PDE3A: variants seen among roughly 807,000 people sequenced by gnomAD.
PDE3A encodes phosphodiesterase 3A.
PDE3A carries 43 observed loss-of-function variants against 98.3 expected under a neutral mutation model. The observed-to-expected ratio is 0.44, with a 90% CI of 0.34 to 0.56. The LOEUF (loss-of-function observed/expected upper bound fraction) is 0.56, where lower values mean the gene tolerates loss of function less well. Ranked by LOEUF, PDE3A falls within the 20% of genes least tolerant of loss-of-function variation. The pLI is 0.01. For synonymous variants in PDE3A, 663 were observed against 567.9 expected, an observed-to-expected ratio of 1.17 and a Z score of -2.38; for missense variants, 1,427 against 1,440.7, an observed-to-expected ratio of 0.99 and a Z score of 0.15.
At chr12:20,595,617 G>A (rs1943447802) in intron 2 of PDE3A, among the ~76,000 whole-genome samples, 2 of 152,208 alleles carry the variant, frequency 1.3e-5, no homozygotes, top group South Asian at 4.1e-4. Context: ...AGAGTAGAAT[G>A]TAGCTGATGA....
At chr12:20,581,905 A>G (rs10841569) in intron 2 of PDE3A, among the ~76,000 whole-genome samples, 25,450 of 152,128 alleles carry the variant, frequency 0.17, 2,222 homozygotes, top group Middle Eastern at 0.23. Context: ...TGTAAAATCT[A>G]TAGAGAAACT....
At chr12:20,525,422 T>C (rs1483678260) in intron 1 of PDE3A, among the ~76,000 whole-genome samples, 1 of 149,240 alleles carries the variant, frequency 6.7e-6, no homozygotes, top group East Asian at 2.0e-4. Context: ...ATAATGTTGT[T>C]GTTCCTTTTT....
At chr12:20,669,711 G>A (rs549539418) in intron 15 of PDE3A, among the ~76,000 whole-genome samples, 63 of 152,138 alleles carry the variant, frequency 4.1e-4, no homozygotes, top group Non-Finnish European at 8.1e-4. Context: ...ACTAAACATG[G>A]AAAGGAACAA....
intron 2 of PDE3A, among the ~76,000 whole-genome samples, chr12:20,607,464 A>G (rs188452876): frequency 5.9e-5 from 9 of 151,974 alleles, no homozygotes; most frequent in Non-Finnish European, 1.0e-4. Flanking sequence ...AAAAAGAAAA[A>G]AAAACACATT....
At chr12:20,432,020 T>A (rs1944706674) in intron 1 of PDE3A, among the ~76,000 whole-genome samples, 1 of 152,194 alleles carries the variant, frequency 6.6e-6, no homozygotes, top group Admixed American at 6.5e-5. Flanking sequence ...TTTTTACAAA[T>A]CTTTTGCAAA....
At chr12:20,388,889 T>G (rs1039851680) in intron 1 of PDE3A, among the ~76,000 whole-genome samples, 2 of 152,014 alleles carry the variant, frequency 1.3e-5, no homozygotes, top group African/African-American at 2.4e-5. Context: ...GTACATAATA[T>G]TTTTTAAAAT....
At position 20,583,152 on chromosome 12, in the gene PDE3A, C is replaced by T. The variant is rs12582574; in HGVS notation, c.1011+26442C>T. Among the ~76,000 whole-genome samples the T allele has an allele frequency of 2.2e-4, 34 of 152,194 alleles. No individual in the cohort carries two copies. The East Asian group carries it at 6.6e-3, about 29-fold the overall frequency. The stretch of plus-strand genomic sequence containing the variant: ...TTCTGAAATACTCCCCTCTACTTTG[C>T]CTCATTCATAGAGTAAGTTTTTGAA... On this transcript the variant is annotated intron_variant, in intron 2 of 15. Coordinates refer to ENST00000359062, the MANE Select transcript of PDE3A (RefSeq NM_000921.5).
chr12:20,414,484 G>T (rs936244996), intron 1 of PDE3A, among the ~76,000 whole-genome samples: 4 of 152,160 alleles, frequency 2.6e-5, no homozygotes, highest in Non-Finnish European at 5.9e-5. Context: ...TTCTTGTGTA[G>T]GTTTTGAAAA....
chr12:20,551,394 TAAAA>T (rs149223338), intron 1 of PDE3A, among the ~76,000 whole-genome samples: 2 of 145,202 alleles, frequency 1.4e-5, no homozygotes, highest in African/African-American at 2.5e-5. Context: ...TCTTTTGTAA[TAAAA>T]AAAAAAAGTC....
At chr12:20,433,049 C>T (rs957242150) in intron 1 of PDE3A, among the ~76,000 whole-genome samples, 3 of 152,140 alleles carry the variant, frequency 2.0e-5, no homozygotes, top group Non-Finnish European at 4.4e-5. Context: ...GTAATTGAAG[C>T]ACTTCTGAAC....
rs182862770 is a variant in PDE3A at position 20,393,133 on chromosome 12, G to A, written c.960+22889G>A. ...ATAGCTAGAGTGGAAGAATTGTAAT[G>A]TTCCTTTATTAGTCTGTTTTCACGC... On this transcript the variant is annotated intron_variant, in intron 1 of 15. Transcript: ENST00000359062. Among the ~76,000 whole-genome samples the A allele has an allele frequency of 4.1e-3, 619 of 152,044 alleles. 1 individual carries two copies. Among genetic ancestry groups the A allele is most frequent in the African/African-American group, 0.014 (584 of 41,510 alleles).
intron 15 of PDE3A, among the ~76,000 whole-genome samples, chr12:20,654,780 G>C (rs2121520325): frequency 6.6e-6 from 1 of 150,760 alleles, no homozygotes; most frequent in Non-Finnish European, 1.5e-5. Flanking sequence ...CCAAAGTGCT[G>C]GGATTACAGG....
intron 2 of PDE3A, among the ~76,000 whole-genome samples, chr12:20,607,456 A>G (rs1367219250): frequency 1.3e-5 from 2 of 151,788 alleles, no homozygotes; most frequent in African/African-American, 4.8e-5. Context: ...AAAAAAGAAA[A>G]AAGAAAAAAA....
intron 1 of PDE3A, among the ~76,000 whole-genome samples, chr12:20,545,600 C>T (rs1350192993): frequency 2.6e-5 from 4 of 151,816 alleles, no homozygotes; most frequent in Admixed American, 6.6e-5. Context: ...TCTCTTTGTT[C>T]CTGCTAATTT....
chr12:20,541,164 G>C (rs899386265), intron 1 of PDE3A, among the ~76,000 whole-genome samples: 13 of 121,968 alleles, frequency 1.1e-4, no homozygotes, highest in Non-Finnish European at 1.8e-4. Context: ...TAGTGCAATC[G>C]TAGCTCACTA....
At chr12:20,528,689 T>C (rs1346120937) in intron 1 of PDE3A, among the ~76,000 whole-genome samples, 2 of 152,142 alleles carry the variant, frequency 1.3e-5, no homozygotes, top group Non-Finnish European at 2.9e-5. Flanking sequence ...CTTTGACAAC[T>C]GAAACAACTG....
chr12:20,442,515 C>A (rs144494411), intron 1 of PDE3A, among the ~76,000 whole-genome samples: 50 of 152,296 alleles, frequency 3.3e-4, no homozygotes, highest in African/African-American at 9.6e-4. Context: ...CTTGTTCATG[C>A]ATTTCACTGA....
At chr12:20,659,159 TA>T (rs1359933351) in intron 15 of PDE3A, among the ~76,000 whole-genome samples, 6 of 152,144 alleles carry the variant, frequency 3.9e-5, no homozygotes, top group African/African-American at 1.4e-4. Context: ...ATGAATATCA[TA>T]ATTTTTTTTT....
intron 15 of PDE3A, among the ~76,000 whole-genome samples, chr12:20,674,105 T>C (rs939260297): frequency 1.3e-5 from 2 of 152,200 alleles, no homozygotes; most frequent in African/African-American, 4.8e-5. Context: ...TCTTAATTTC[T>C]TTGTCAGCTA....
Sources: gnomAD v4.1 joint callset for allele counts (sites outside exome capture counted in the v4.1 genomes callset) on GRCh38, gnomAD v4.1.1 for gene constraint, MANE v1.5 for transcripts, NCBI Gene and HGNC (gene_info 2026-07-23, HGNC 2026-07-21) for gene names.